Variants in CHD8 observed in about 807,000 individuals in gnomAD.
CHD8 encodes the protein chromodomain helicase DNA binding protein 8.
A neutral mutation model predicts 279.2 loss-of-function variants in CHD8; 31 were observed. The observed-to-expected ratio is 0.11, with a 90% CI of 0.08 to 0.15. CHD8 has a LOEUF of 0.15. Ranked by LOEUF, CHD8 falls within the 10% of genes least tolerant of loss-of-function variation. The pLI is 1.00. For synonymous variants in CHD8, 1,081 were observed against 1,139.6 expected (o/e 0.95, Z 1.04); for missense variants, 2,146 against 3,230.5 (o/e 0.66, Z 8.14).
In CHD8 at chr14:21,431,404, T is replaced by C. The variant is rs1011168348; in HGVS notation, c.240A>G (p.Lys80=). The C allele has an allele frequency of 6.5e-7, 1 of 1,537,246 alleles. No homozygotes were observed. Among genetic ancestry groups the C allele is most frequent in the Non-Finnish European group, 8.7e-7 (1 of 1,146,890 alleles). ...ATTCTGGAGCTGGAGCTGTGGATTC[T>C]TTGGAAAGTTCTGTGGGAGCTGTTT... ...PEETAPTELS[K]ESTAPAPESI... Residue 80 remains lysine, a synonymous_variant, in exon 2 of 38, where the codon AAA becomes AAG. Coordinates refer to ENST00000646647, the MANE Select transcript of CHD8 (RefSeq NM_001170629.2).
chr14:21,432,435 T>A (rs547947146), intron 1 of CHD8, among the ~76,000 whole-genome samples: 2 of 152,214 alleles, frequency 1.3e-5, no homozygotes, highest in Non-Finnish European at 2.9e-5. Flanking sequence ...TAATCTATAA[T>A]GGGATTTTTG....
intron 27 of CHD8, chr14:21,397,255 G>T (rs1327055958): frequency 1.4e-5 from 7 of 495,180 alleles, no homozygotes; most frequent in South Asian, 8.7e-5. Context: ...AGTCATGATG[G>T]AATGGGGAGG....
At chr14:21,414,127 C>G in intron 9 of CHD8, 174 bp downstream of exon 9, 1 of 565,530 alleles carries the variant, frequency 1.8e-6, no homozygotes, top group Admixed American at 3.3e-5. Flanking sequence ...ATATTTAAAC[C>G]TAACAAAACA....
intron 5 of CHD8, among the ~76,000 whole-genome samples, chr14:21,420,127 T>C (rs1257555708): frequency 6.6e-6 from 1 of 152,200 alleles, no homozygotes; most frequent in East Asian, 1.9e-4. Flanking sequence ...CCTCTCCTCT[T>C]TGTGAAAACT....
chr14:21,420,157 C>T (rs1229271444), intron 5 of CHD8, among the ~76,000 whole-genome samples: 7 of 152,082 alleles, frequency 4.6e-5, no homozygotes, highest in Admixed American at 4.6e-4. Context: ...TCTCCTAGTG[C>T]CCTAGTGCCT....
In CHD8 at chr14:21,402,239, C is replaced by T. The variant is rs575200987; in HGVS notation, c.3882+97G>A. 1.2e-4 allele frequency: 185 copies of T among 1,505,690 alleles called. No homozygotes were observed. The highest frequency in any genetic ancestry group is 4.4e-4 in the South Asian group (38 of 85,440). 93.3% of individuals were successfully genotyped at this position (1,505,690 alleles called of 1,614,324 possible). A position where few individuals can be genotyped will look rare whatever the true frequency, so the allele number is the denominator to read the frequency against. Reference sequence around the variant, plus strand: ...ATTTTAAGAAATAATAATTGAGAATCCAAACAAGGTAGTCAAATCCCTGTG... The same window carrying T: ...ATTTTAAGAAATAATAATTGAGAATTCAAACAAGGTAGTCAAATCCCTGTG... On this transcript the variant is annotated intron_variant, in intron 19 of 37. Transcript: ENST00000646647. This position sits in a 1 kb window ranked among gnomAD's most constrained non-coding sequence, Gnocchi z 4.5.
chr14:21,401,605 GAC>G (rs1319298634), intron 20 of CHD8, 92 bp from the exon 21 acceptor site: 15 of 798,548 alleles, frequency 1.9e-5, no homozygotes, highest in African/African-American at 1.2e-4. Flanking sequence ...TTTTTTTTGA[GAC>G]ACAGTCTTGC....
At chr14:21,424,599 T>C (rs773085513) in intron 5 of CHD8, among the ~76,000 whole-genome samples, 2 of 152,142 alleles carry the variant, frequency 1.3e-5, no homozygotes, top group Non-Finnish European at 2.9e-5. Flanking sequence ...GCCTCCCAAG[T>C]AGCTGGGACT....
rs759077100 is a variant in CHD8 at position 21,390,934 on chromosome 14, C to T, written c.7182+13G>A. 28 of 1,380,704 alleles carry T rather than the reference C, an allele frequency of 2.0e-5. No individual in the cohort carries two copies. Among genetic ancestry groups the T allele is most frequent in the Non-Finnish European group, 2.9e-5 (28 of 979,496 alleles). 85.5% of individuals were successfully genotyped at this position (1,380,704 alleles called of 1,614,324 possible). ...GTGTGGGAATAGAGTGGTAATGCTG[C>T]AATTTCTCTCACCTTTTTCCCATTT... On this transcript the variant is annotated intron_variant, in intron 37 of 37. Transcript: ENST00000646647.
Position 21,400,948 on chromosome 14 carries a change from G to C in CHD8, c.4297C>G (p.Arg1433Gly). The change falls in exon 22 of 38, where the codon CGC (arginine) becomes GGC (glycine). Residue 1433 changes from arginine (R) to glycine (G), a missense_variant. Arg to Gly is a moderately radical substitution (Grantham distance 125). This residue lies in a region of CHD8 where 74 missense variants were observed against 91.5 expected (regional missense o/e 0.81). Coordinates refer to ENST00000646647, the MANE Select transcript of CHD8 (RefSeq NM_001170629.2). The surrounding 1 kb of genome is among the most constrained non-coding windows in gnomAD (Gnocchi z 4.2). ...ESEDDERPRS[R>G]RHDRHHAYGR... ...TAGGCATGATGACGGTCATGTCTGC[G>C]GGAGCGTGGCCGCTCATCATCCTCA... 2 of 1,613,906 alleles carry C rather than the reference G, an allele frequency of 1.2e-6. No homozygotes were observed. Among genetic ancestry groups the C allele is most frequent in the Non-Finnish European group, 1.7e-6 (2 of 1,179,816 alleles).
In CHD8 at chr14:21,423,605, C is replaced by A. The variant is rs1041833922; in HGVS notation, c.1716+2523G>T. ...AGGCTGGAGTGCAGTAGCATGATCACAGCTCACTGCAGCCTCAACTTCCTG... is the reference window on the plus strand; with the variant it reads ...AGGCTGGAGTGCAGTAGCATGATCAAAGCTCACTGCAGCCTCAACTTCCTG... On this transcript the variant is annotated intron_variant, in intron 5 of 37. Coordinates refer to ENST00000646647, the MANE Select transcript of CHD8 (RefSeq NM_001170629.2). 2.0e-5 allele frequency among the ~76,000 whole-genome samples: 3 copies of A among 152,098 alleles called. No individual in the cohort carries two copies. In the South Asian group the frequency reaches 6.3e-4, roughly 32 times the overall value.
Position 21,403,387 on chromosome 14 carries a change from G to T in CHD8, c.3518+66C>A. On this transcript the variant is annotated intron_variant, in intron 17 of 37. Coordinates refer to ENST00000646647, the MANE Select transcript of CHD8 (RefSeq NM_001170629.2). This position sits in a 1 kb window ranked among gnomAD's most constrained non-coding sequence, Gnocchi z 4.3. ...ATTGGTGAACTCTAATTAAATCCAGGCCCTCCTACTTTTTGCTGCTTTATG... is the reference window on the plus strand; with the variant it reads ...ATTGGTGAACTCTAATTAAATCCAGTCCCTCCTACTTTTTGCTGCTTTATG... 1.5e-6 allele frequency: 2 copies of T among 1,354,036 alleles called. No individual in the cohort carries two copies. 83.9% of individuals were successfully genotyped at this position (1,354,036 alleles called of 1,614,324 possible). A position where few individuals can be genotyped will look rare whatever the true frequency, so the allele number is the denominator to read the frequency against.
At chr14:21,439,703 T>C (rs1889907513) in intron 1 of CHD8, among the ~76,000 whole-genome samples, 1 of 152,148 alleles carries the variant, frequency 6.6e-6, no homozygotes, top group Non-Finnish European at 1.5e-5. Flanking sequence ...CAAATCAAAC[T>C]TGTGCTGGAA....
At position 21,412,970 on chromosome 14, in the gene CHD8, G is replaced by A. The variant is rs751220416; in HGVS notation, c.2169C>T (p.Tyr723=). 11 of 1,609,246 alleles carry A rather than the reference G, an allele frequency of 6.8e-6. No individual in the cohort carries two copies. Among genetic ancestry groups the A allele is most frequent in the Non-Finnish European group, 8.5e-6 (10 of 1,176,136 alleles). The part of the protein sequence containing the change: ...HEDEEPFNPD[Y]VEVDRILDES... ...CATCCAATATCCTATCCACCTCTAC[G>A]TAGTCTGGATTAAAGGGCTCTTCAT... Residue 723 remains tyrosine, a synonymous_variant, in exon 10 of 38, where the codon TAC becomes TAT. Transcript: ENST00000646647.
rs1421989632 is a variant in CHD8 at position 21,399,765 on chromosome 14, T to C, written c.4818-60A>G. On this transcript the variant is annotated intron_variant, in intron 25 of 37. Coordinates refer to ENST00000646647, the MANE Select transcript of CHD8 (RefSeq NM_001170629.2). ...TGCAGGAAATTAAAGTGAGAATCCT[T>C]GCAAAGGTTATTATAGGTATCTTCC... The C allele has an allele frequency of 2.4e-6, 3 of 1,227,038 alleles. No homozygotes were observed. In the Admixed American group the frequency reaches 5.1e-5, roughly 21 times the overall value. 76.0% of individuals were successfully genotyped at this position (1,227,038 alleles called of 1,614,324 possible). A position where few individuals can be genotyped will look rare whatever the true frequency, so the allele number is the denominator to read the frequency against.
intron 30 of CHD8, 186 bp downstream of exon 30, chr14:21,394,726 G>C: frequency 1.5e-6 from 1 of 657,400 alleles, no homozygotes; most frequent in Non-Finnish European, 2.6e-6. Context: ...CTACACAGGA[G>C]ACCTACCTGA....
At chr14:21,410,119 A>G (rs1374753830) in intron 10 of CHD8, 131 bp from the exon 11 acceptor site, 13 of 773,168 alleles carry the variant, frequency 1.7e-5, no homozygotes, top group Non-Finnish European at 2.5e-5. Flanking sequence ...AAGTCAGGCC[A>G]AACACATCGA....
intron 27 of CHD8, chr14:21,397,345 AG>A (rs1265865738): frequency 5.8e-6 from 3 of 518,866 alleles, no homozygotes; most frequent in African/African-American, 5.8e-5. Context: ...CACCCAAACC[AG>A]GGCAACACTG....
At chr14:21,452,945 T>C (rs1232700304) in intron 1 of CHD8, among the ~76,000 whole-genome samples, 1 of 150,568 alleles carries the variant, frequency 6.6e-6, no homozygotes, top group African/African-American at 2.5e-5. Flanking sequence ...ATCGCACCAC[T>C]GCATTCCTGC....
Sources: allele counts gnomAD v4.1 joint callset (sites outside exome capture counted in the v4.1 genomes callset), GRCh38; gene constraint gnomAD v4.1.1; regional missense constraint gnomAD v4.1.1; non-coding constraint Gnocchi (gnomAD v3.1); transcripts MANE v1.5; gene names NCBI Gene and HGNC (gene_info 2026-07-23, HGNC 2026-07-21).